GAB1: variants seen among roughly 807,000 people sequenced by gnomAD.
The protein encoded by GAB1 is GRB2 associated binding protein 1, also known as GRB2-associated-binding protein 1.
A neutral mutation model predicts 66.5 loss-of-function variants in GAB1; 19 were observed. That is an observed-to-expected ratio of 0.29 (90% CI 0.20 to 0.42). The LOEUF is 0.42. Ranked by LOEUF, GAB1 falls within the 10% of genes least tolerant of loss-of-function variation. The pLI, the probability that GAB1 is intolerant of heterozygous loss-of-function variation, is 1.00. For missense variants in GAB1, 732 were observed against 858.5 expected (o/e 0.85, Z 1.84); for synonymous variants, 294 against 301.4 (o/e 0.98, Z 0.25).
intron 2 of GAB1, among the ~76,000 whole-genome samples, chr4:143,418,507 G>C (rs1432681930): frequency 2.6e-5 from 4 of 152,094 alleles, no homozygotes; most frequent in Non-Finnish European, 4.4e-5. Context: ...TTATGTGATG[G>C]ATTTTCAGTT....
chr4:143,453,698 A>G (rs1283821797), intron 6 of GAB1, among the ~76,000 whole-genome samples: 4 of 152,126 alleles, frequency 2.6e-5, no homozygotes, highest in Admixed American at 6.5e-5. Flanking sequence ...AAGAGTAACT[A>G]TAGTAAAGAT....
intron 2 of GAB1, among the ~76,000 whole-genome samples, chr4:143,423,775 C>CA (rs1191220393): frequency 0.031 from 1,240 of 39,876 alleles, 43 homozygotes; most frequent in East Asian, 0.11. Flanking sequence ...GACTCCATCT[C>CA]AAAAAAAAAA....
At chr4:143,359,880 T>A (rs1452343294) in intron 1 of GAB1, among the ~76,000 whole-genome samples, 1 of 152,206 alleles carries the variant, frequency 6.6e-6, no homozygotes, top group Non-Finnish European at 1.5e-5. Context: ...GTTCCTTGGT[T>A]CAAAGGAACG....
intron 2 of GAB1, chr4:143,417,393 CT>C: frequency 4.8e-6 from 2 of 419,694 alleles, no homozygotes; most frequent in Non-Finnish European, 9.5e-6. Flanking sequence ...ACCTCGGGTA[CT>C]TTTTTATTAT....
intron 2 of GAB1, among the ~76,000 whole-genome samples, chr4:143,426,791 A>C (rs1733381407): frequency 6.6e-6 from 1 of 152,210 alleles, no homozygotes; most frequent in South Asian, 2.1e-4. Context: ...AAATGAGCTA[A>C]ATAAACATGC....
chr4:143,439,270 A>G lies in GAB1; in HGVS notation c.1196-532A>G, dbSNP rs139574508. On this transcript the variant is annotated intron_variant, in intron 4 of 9. Coordinates refer to ENST00000262994, the MANE Select transcript of GAB1 (RefSeq NM_002039.4). ...CTGAGATTCTCAAAGTCCTACAAATAGAAAGCTAAAGTTTTTAATGCACAT... is the reference window on the plus strand; with the variant it reads ...CTGAGATTCTCAAAGTCCTACAAATGGAAAGCTAAAGTTTTTAATGCACAT... 3.4e-3 allele frequency among the ~76,000 whole-genome samples: 521 copies of G among 152,324 alleles called. 4 individuals are homozygous for G. Among genetic ancestry groups the G allele is most frequent in the African/African-American group, 0.012 (480 of 41,580 alleles).
intron 1 of GAB1, chr4:143,350,231 C>CT: frequency 1.7e-6 from 1 of 599,494 alleles, no homozygotes; most frequent in Non-Finnish European, 3.0e-6. Context: ...CTGATGGATA[C>CT]GTTGGCCCTG....
intron 1 of GAB1, among the ~76,000 whole-genome samples, chr4:143,405,187 G>A (rs1184500820): frequency 2.6e-5 from 4 of 151,786 alleles, no homozygotes. Context: ...TGAGAGACTG[G>A]GAAGTCATTA....
At chr4:143,444,591 T>C (rs937914562) in intron 6 of GAB1, among the ~76,000 whole-genome samples, 19 of 152,214 alleles carry the variant, frequency 1.2e-4, no homozygotes, top group African/African-American at 4.1e-4. Flanking sequence ...ACATGCACTT[T>C]TTAAAATTTT....
At chr4:143,468,208 C>CTTTTTTTTTTTTTTTTTTTTTTTTT (rs780138131) in intron 9 of GAB1, among the ~76,000 whole-genome samples, 1 of 70,066 alleles carries the variant, frequency 1.4e-5, no homozygotes, top group Non-Finnish European at 2.6e-5. Context: ...AGTTTGAATT[C>CTTTTTTTTTTTTTTTTTTTTTTTTT]TTTTTTTTTT....
At chr4:143,415,040 T>C (rs1394508498) in intron 1 of GAB1, among the ~76,000 whole-genome samples, 2 of 152,178 alleles carry the variant, frequency 1.3e-5, no homozygotes, top group Non-Finnish European at 2.9e-5. Flanking sequence ...TGAATTTGAC[T>C]ACTTGAACTA....
At chr4:143,391,338 A>C (rs902034796) in intron 1 of GAB1, 3 of 152,200 alleles carry the variant, frequency 2.0e-5, no homozygotes, top group Admixed American at 1.3e-4. Flanking sequence ...AAATCAAGGT[A>C]AACCTTGAGG....
intron 1 of GAB1, among the ~76,000 whole-genome samples, chr4:143,353,973 C>G (rs928699814): frequency 6.6e-6 from 1 of 152,116 alleles, no homozygotes; most frequent in Non-Finnish European, 1.5e-5. Context: ...TGTTATTGTA[C>G]GAAGTGTCTA....
At chr4:143,367,253 C>T (rs1468855117) in intron 1 of GAB1, among the ~76,000 whole-genome samples, 1 of 138,572 alleles carries the variant, frequency 7.2e-6, no homozygotes, top group Non-Finnish European at 1.6e-5. Context: ...ATCTTCCCAT[C>T]CTTGATACAG....
In GAB1 at chr4:143,469,053, G is replaced by A. The variant is rs576853916; in HGVS notation, c.1949G>A (p.Ser650Asn). Residue 650 changes from serine to asparagine, a missense_variant, in exon 10 of 10, where the codon AGC becomes AAC. Around this residue, in one of 4 missense-constraint regions of GAB1, gnomAD observed 204 missense variants for 276.8 expected, o/e 0.74. Transcript: ENST00000262994. ...TAGCAAAAGAGCAGTGGCTCAGGCA[G>A]CAGTGTAGCAGATGAGAGAGTGGAT... ...PRKQKSSGSGSSVADERVDYV... is the reference protein window; with the variant it reads ...PRKQKSSGSGNSVADERVDYV... 1.2e-6 allele frequency: 2 copies of A among 1,614,028 alleles called. No homozygotes were observed. Among genetic ancestry groups the A allele is most frequent in the African/African-American group, 2.7e-5 (2 of 75,056 alleles).
At chr4:143,464,490 A>G (rs1735677201) in intron 8 of GAB1, among the ~76,000 whole-genome samples, 1 of 152,124 alleles carries the variant, frequency 6.6e-6, no homozygotes, top group Admixed American at 6.5e-5. Flanking sequence ...TCAGCCTCCC[A>G]AAGTGCTGGG....
At chr4:143,402,712 C>T (rs1366669476) in intron 1 of GAB1, among the ~76,000 whole-genome samples, 1 of 152,120 alleles carries the variant, frequency 6.6e-6, no homozygotes, top group Non-Finnish European at 1.5e-5. Flanking sequence ...CTTCTTCGTT[C>T]TAGTTAAATA....
At chr4:143,459,530 G>C in intron 7 of GAB1, 52 bp downstream of exon 7, 1 of 997,000 alleles carries the variant, frequency 1.0e-6, no homozygotes, top group Non-Finnish European at 1.6e-6. Flanking sequence ...TGACTATCTA[G>C]AATTGTTCAT....
At chr4:143,450,692 C>G (rs1346715995) in intron 6 of GAB1, among the ~76,000 whole-genome samples, 1 of 152,060 alleles carries the variant, frequency 6.6e-6, no homozygotes, top group Non-Finnish European at 1.5e-5. Flanking sequence ...GAGTTTGAGA[C>G]CAGCCTGACC....
Sources: allele counts gnomAD v4.1 joint callset (sites outside exome capture counted in the v4.1 genomes callset), GRCh38; gene constraint gnomAD v4.1.1; regional missense constraint gnomAD v4.1.1; transcripts MANE v1.5; gene names NCBI Gene and HGNC (gene_info 2026-07-23, HGNC 2026-07-21).